CS: variants seen among roughly 807,000 people sequenced by gnomAD.
CS encodes the protein citrate synthase, also known as citrate synthase, mitochondrial.
Under a neutral mutation model 61.4 loss-of-function variants are expected in CS, and 13 were observed. The ratio of observed to expected loss-of-function variants is 0.21; its 90% confidence interval spans 0.14 to 0.34. The LOEUF (loss-of-function observed/expected upper bound fraction) is 0.34. Among genes scored for constraint, CS ranks in the 10% least tolerant of loss-of-function variants. CS has a pLI of 1.00. For synonymous variants in CS, 159 were observed against 215.2 expected (o/e 0.74, Z 2.29); for missense variants, 278 against 573.4 (o/e 0.48, Z 5.26).
intron 1 of CS, 140 bp from the exon 2 acceptor site, chr12:56,286,785 C>T (rs572224928): frequency 5.4e-6 from 4 of 738,806 alleles, no homozygotes; most frequent in Non-Finnish European, 9.1e-6. Context: ...CTGTAAAAGT[C>T]CCCAAACAGT....
At chr12:56,279,144 C>A (rs926132442) in intron 6 of CS, among the ~76,000 whole-genome samples, 1 of 152,194 alleles carries the variant, frequency 6.6e-6, no homozygotes, top group Non-Finnish European at 1.5e-5. Flanking sequence ...GGCTACTTCA[C>A]AATTAAACAG....
At chr12:56,280,561 A>G (rs1872752292) in intron 6 of CS, among the ~76,000 whole-genome samples, 1 of 152,020 alleles carries the variant, frequency 6.6e-6, no homozygotes, top group Non-Finnish European at 1.5e-5. Flanking sequence ...CAGGAGTTCA[A>G]GGTTACAGTG....
intron 6 of CS, among the ~76,000 whole-genome samples, chr12:56,280,433 A>AC (rs1872746825): frequency 6.8e-6 from 1 of 147,802 alleles, no homozygotes; most frequent in African/African-American, 2.5e-5. Flanking sequence ...AACAAAAAAA[A>AC]AAAACAAAAA....
chr12:56,288,182 TAGA>T (rs1873001633), intron 1 of CS, among the ~76,000 whole-genome samples: 1 of 152,214 alleles, frequency 6.6e-6, no homozygotes, highest in Admixed American at 6.5e-5. Flanking sequence ...TTTGCAGACT[TAGA>T]AGATTACACA....
At chr12:56,292,498 G>C (rs1186636039) in intron 1 of CS, among the ~76,000 whole-genome samples, 1 of 151,928 alleles carries the variant, frequency 6.6e-6, no homozygotes, top group Non-Finnish European at 1.5e-5. Flanking sequence ...CAGTAGGGTG[G>C]ATGCATCAGG....
chr12:56,273,770 T>C lies in CS; in HGVS notation c.1047A>G (p.Val349=), dbSNP rs764544912. The C allele has an allele frequency of 1.9e-6, 3 of 1,614,188 alleles. No homozygotes were observed. Among genetic ancestry groups the C allele is most frequent in the Non-Finnish European group, 1.7e-6 (2 of 1,179,992 alleles). ...TATATCGCGGATCAGTCTTCCTTAG[T>C]ACTGCATGGCCATAGCCTGGAACAA... The part of the protein sequence containing the change: ...GRVVPGYGHA[V]LRKTDPRYTC... Residue 349 remains valine (V), a synonymous_variant, in exon 10 of 11, where the codon GTA becomes GTG. Transcript: ENST00000351328.
At chr12:56,296,613 C>A (rs1312635920) in intron 1 of CS, among the ~76,000 whole-genome samples, 1 of 152,206 alleles carries the variant, frequency 6.6e-6, no homozygotes, top group Non-Finnish European at 1.5e-5. Context: ...CAGAAAGAAT[C>A]ATTGTGTGGC....
chr12:56,290,987 C>A (rs542408583), intron 1 of CS, among the ~76,000 whole-genome samples: 66 of 152,164 alleles, frequency 4.3e-4, no homozygotes, highest in Non-Finnish European at 7.6e-4. Context: ...TTACCAAGGA[C>A]CAAGTCCTAA....
chr12:56,275,244 T>A (rs1399590636), intron 7 of CS, 113 bp from the exon 8 acceptor site: 3 of 1,271,530 alleles, frequency 2.4e-6, no homozygotes, highest in African/African-American at 2.9e-5. Flanking sequence ...CATGCCAGCC[T>A]ATAGCCAGTC....
chr12:56,299,998 A>T, intron 1 of CS, 162 bp downstream of exon 1: 1 of 627,306 alleles, frequency 1.6e-6, no homozygotes, highest in East Asian at 3.6e-5. Flanking sequence ...AGCGCGGCAC[A>T]TGGTCCTGTA....
At chr12:56,276,368 A>G (rs1435804554) in intron 6 of CS, among the ~76,000 whole-genome samples, 173 bp from the exon 7 acceptor site, 1 of 152,236 alleles carries the variant, frequency 6.6e-6, no homozygotes, top group Non-Finnish European at 1.5e-5. Context: ...AATCATAACC[A>G]TTTCACTGAA....
intron 1 of CS, among the ~76,000 whole-genome samples, chr12:56,291,033 G>A (rs1219877723): frequency 6.6e-6 from 1 of 152,116 alleles, no homozygotes; most frequent in Non-Finnish European, 1.5e-5. Flanking sequence ...GTGTTATCTT[G>A]GCTATGTAAC....
Position 56,282,461 on chromosome 12 carries a change from G to C in CS, c.547C>G (p.Arg183Gly), listed in dbSNP as rs370300444. 12 of 1,612,814 alleles carry C rather than the reference G, an allele frequency of 7.4e-6. No individual in the cohort carries two copies. Among genetic ancestry groups the C allele is most frequent in the Admixed American group, 1.7e-5 (1 of 59,860 alleles). The change falls in exon 6 of 11, where the codon CGA (arginine) becomes GGA (glycine). Residue 183 changes from arginine to glycine, a missense_variant. By Grantham distance (125) the Arg-to-Gly change is moderately radical. Transcript: ENST00000351328. ...CGGCTGATACCCTGTGCATATGCTC[G>C]GGCAAAGTTACTTTCACTGTTGAGG... ...TALNSESNFARAYAQGISRTK... is the reference protein window; with the variant it reads ...TALNSESNFAGAYAQGISRTK...
chr12:56,286,133 G>A, intron 2 of CS, 110 bp from the exon 3 acceptor site: 1 of 813,782 alleles, frequency 1.2e-6, no homozygotes, highest in Non-Finnish European at 2.1e-6. Flanking sequence ...ATCTGCCAGG[G>A]AAGTCTGGTC....
chr12:56,299,920 C>T, intron 1 of CS: 1 of 468,068 alleles, frequency 2.1e-6, no homozygotes, highest in South Asian at 2.4e-5. Context: ...GGGTCGGCCT[C>T]CTCACGCGTT....
chr12:56,292,389 TAA>T (rs759545743), intron 1 of CS, among the ~76,000 whole-genome samples: 63 of 109,048 alleles, frequency 5.8e-4, no homozygotes, highest in Admixed American at 5.8e-4. Flanking sequence ...AGACTTGGTC[TAA>T]AAAAAAAAAA....
intron 1 of CS, among the ~76,000 whole-genome samples, chr12:56,289,265 T>TTTA (rs1873038836): frequency 6.6e-6 from 1 of 152,170 alleles, no homozygotes; most frequent in Non-Finnish European, 1.5e-5. Context: ...AGAAAACATG[T>TTTA]TAATAAGTTC....
At chr12:56,292,727 A>G (rs918075186) in intron 1 of CS, among the ~76,000 whole-genome samples, 3 of 142,390 alleles carry the variant, frequency 2.1e-5, no homozygotes, top group African/African-American at 7.7e-5. Flanking sequence ...TACTAAAAAA[A>G]TACAAAAAAA....
intron 6 of CS, among the ~76,000 whole-genome samples, chr12:56,279,576 C>T (rs536317528): frequency 3.3e-4 from 50 of 151,974 alleles, no homozygotes; most frequent in African/African-American, 1.2e-3. Flanking sequence ...ACAATCCTGG[C>T]TAACACGGTG....
Sources: gnomAD v4.1 joint callset for allele counts (sites outside exome capture counted in the v4.1 genomes callset) on GRCh38, gnomAD v4.1.1 for gene constraint, MANE v1.5 for transcripts, NCBI Gene and HGNC (gene_info 2026-07-23, HGNC 2026-07-21) for gene names.